Variants in KALRN observed in about 807,000 individuals in gnomAD.
KALRN encodes the protein kalirin RhoGEF kinase.
In KALRN, 70 loss-of-function variants were observed where a neutral mutation model predicts 353.7. The observed-to-expected ratio is 0.20, with a 90% CI of 0.16 to 0.24. The LOEUF (loss-of-function observed/expected upper bound fraction) is 0.24, where lower values mean the gene tolerates loss of function less well. KALRN is among the 10% of genes least tolerant of loss of function. KALRN has a pLI of 1.00. For missense variants in KALRN, 2,791 were observed against 3,756.7 expected, an observed-to-expected ratio of 0.74 and a Z score of 6.72; for synonymous variants, 1,391 against 1,434.8, an observed-to-expected ratio of 0.97 and a Z score of 0.69.
At chr3:124,320,548 A>G (rs1345861351) in intron 6 of KALRN, among the ~76,000 whole-genome samples, 2 of 152,164 alleles carry the variant, frequency 1.3e-5, no homozygotes, top group African/African-American at 2.4e-5. Flanking sequence ...TTTGTAATAC[A>G]GTTTGTGATA....
chr3:124,303,956 G>A (rs753452650), intron 6 of KALRN, among the ~76,000 whole-genome samples: 23 of 152,082 alleles, frequency 1.5e-4, no homozygotes, highest in Non-Finnish European at 2.9e-4. Flanking sequence ...AGATTCTGAG[G>A]CAGGCAGGTG....
rs573662154 is a variant in KALRN at position 124,326,728 on chromosome 3, C to G, written c.1284+557C>G. On this transcript the variant is annotated intron_variant, in intron 7 of 59. Transcript: ENST00000682506. ...CAGAGAGATTAAGTGATTGGCCTGCCTAAGATCCCATGATGTGTTGGAGCC... is the reference window on the plus strand; with the variant it reads ...CAGAGAGATTAAGTGATTGGCCTGCGTAAGATCCCATGATGTGTTGGAGCC... 2.0e-5 allele frequency among the ~76,000 whole-genome samples: 3 copies of G among 152,314 alleles called. No individual in the cohort carries two copies. The South Asian group carries it at 6.2e-4, about 32-fold the overall frequency.
At chr3:124,366,890 C>G (rs1180688488) in intron 10 of KALRN, among the ~76,000 whole-genome samples, 2 of 126,690 alleles carry the variant, frequency 1.6e-5, no homozygotes, top group Non-Finnish European at 3.2e-5. Flanking sequence ...GGGCTGACCC[C>G]CCCACCTCCC....
intron 1 of KALRN, among the ~76,000 whole-genome samples, chr3:124,117,657 T>A (rs1045552879): frequency 1.3e-5 from 2 of 151,950 alleles, no homozygotes; most frequent in African/African-American, 4.8e-5. Context: ...GTGGGTGGTG[T>A]TTAGAGTGAA....
intron 1 of KALRN, among the ~76,000 whole-genome samples, chr3:124,151,239 G>A (rs180773195): frequency 4.6e-5 from 7 of 152,226 alleles, no homozygotes; most frequent in Middle Eastern, 3.4e-3. Context: ...AGTATGTTTA[G>A]CTTTAATAAA....
intron 6 of KALRN, among the ~76,000 whole-genome samples, chr3:124,307,328 T>C (rs1277078378): frequency 2.0e-5 from 3 of 152,046 alleles, no homozygotes; most frequent in Non-Finnish European, 2.9e-5. Flanking sequence ...TCAGAAATGA[T>C]AAATAAGACT....
chr3:124,429,993 C>T, intron 15 of KALRN, among the ~76,000 whole-genome samples: 1 of 152,140 alleles, frequency 6.6e-6, no homozygotes, highest in East Asian at 1.9e-4. Flanking sequence ...CCTGGGTATT[C>T]TCGATTACTT....
At chr3:124,054,660 C>T (rs1341865187) in intron 1 of KALRN, among the ~76,000 whole-genome samples, 6 of 152,158 alleles carry the variant, frequency 3.9e-5, no homozygotes, top group Non-Finnish European at 7.4e-5. Flanking sequence ...AACTGCCTTT[C>T]CTAAATTGGA....
chr3:124,374,016 C>G (rs2086233510), intron 10 of KALRN, among the ~76,000 whole-genome samples: 1 of 152,178 alleles, frequency 6.6e-6, no homozygotes, highest in Non-Finnish European at 1.5e-5. Flanking sequence ...GCAGTATGGT[C>G]TGAATGTCTG....
In KALRN at chr3:124,632,947, G is replaced by A. The variant is rs148207340; in HGVS notation, c.5466+244G>A. Among the ~76,000 whole-genome samples the A allele has an allele frequency of 1.4e-4, 22 of 152,368 alleles. No homozygotes were observed. The East Asian group carries it at 4.0e-3, about 28-fold the overall frequency. ...TGCCAGATTTGGAGATAGGACCTGG[G>A]CCTGAGGGGAGTCATTTGGTCATTA... On this transcript the variant is annotated intron_variant, in intron 35 of 59. Transcript: ENST00000682506.
intron 14 of KALRN, among the ~76,000 whole-genome samples, chr3:124,414,514 A>G (rs967749679): frequency 1.6e-4 from 25 of 152,242 alleles, no homozygotes; most frequent in Admixed American, 1.6e-3. Context: ...AACTTCTCAG[A>G]AAAACACGGC....
At chr3:124,685,682 C>T in intron 51 of KALRN, among the ~76,000 whole-genome samples, 1 of 152,192 alleles carries the variant, frequency 6.6e-6, no homozygotes, top group East Asian at 1.9e-4. Context: ...CGCCCTTTCT[C>T]AATGACTCAA....
chr3:124,135,680 TG>T (rs113446732), intron 1 of KALRN, among the ~76,000 whole-genome samples: 9,204 of 152,008 alleles, frequency 0.061, 941 homozygotes, highest in African/African-American at 0.21. Context: ...ATTATGGAGA[TG>T]GCTGCTGAAG....
At chr3:124,340,069 C>T (rs914177103) in intron 9 of KALRN, among the ~76,000 whole-genome samples, 3 of 152,146 alleles carry the variant, frequency 2.0e-5, no homozygotes, top group African/African-American at 7.2e-5. Flanking sequence ...AAGAACACAG[C>T]AGCAAATCAA....
intron 12 of KALRN, among the ~76,000 whole-genome samples, chr3:124,396,558 C>T (rs1157334337): frequency 6.6e-6 from 1 of 152,240 alleles, no homozygotes; most frequent in Non-Finnish European, 1.5e-5. Context: ...GCCTCAGCTG[C>T]TTCGTCTGTG....
chr3:124,116,380 A>C (rs573821857), intron 1 of KALRN, among the ~76,000 whole-genome samples: 1 of 152,334 alleles, frequency 6.6e-6, no homozygotes, highest in African/African-American at 2.4e-5. Context: ...ATGTGCCAGG[A>C]ACTGTCCTAA....
intron 12 of KALRN, 34 bp downstream of exon 12, chr3:124,395,377 C>T (rs1451596250): frequency 6.4e-7 from 1 of 1,557,442 alleles, no homozygotes; most frequent in African/African-American, 1.4e-5. Context: ...GTGGGAAATG[C>T]CTCGGGCTAG....
intron 14 of KALRN, among the ~76,000 whole-genome samples, chr3:124,415,297 C>T (rs1290798464): frequency 6.6e-6 from 1 of 152,230 alleles, no homozygotes; most frequent in Non-Finnish European, 1.5e-5. Context: ...CAAAAAGCTC[C>T]TCGGGTGATT....
At chr3:124,592,313 A>ATG (rs2075868239) in intron 34 of KALRN, among the ~76,000 whole-genome samples, 2 of 74,258 alleles carry the variant, frequency 2.7e-5, no homozygotes, top group African/African-American at 9.1e-5. Flanking sequence ...AAGAAACAAA[A>ATG]AAAAAAAAAA....
Sources: allele counts gnomAD v4.1 joint callset (sites outside exome capture counted in the v4.1 genomes callset), GRCh38; gene constraint gnomAD v4.1.1; transcripts MANE v1.5; gene names NCBI Gene and HGNC (gene_info 2026-07-23, HGNC 2026-07-21).